Variants in ATP7B observed in about 807,000 individuals in gnomAD.
ATP7B encodes copper-transporting ATPase 2.
ATP7B carries 113 observed loss-of-function variants against 118.9 expected under a neutral mutation model. The ratio of observed to expected loss-of-function variants is 0.95; its 90% CI spans 0.82 to 1.11. ATP7B has a LOEUF of 1.11. Among genes scored for constraint, ATP7B ranks in the 50% most tolerant of loss-of-function variants. The probability of loss-of-function intolerance (pLI) is 0.00; values close to 1 mark genes in which losing one functional copy is unlikely to be tolerated. For synonymous variants in ATP7B, 777 were observed against 727.4 expected (o/e 1.07, Z -1.10); for missense variants, 1,867 against 1,871.4 (o/e 1.00, Z 0.04).
At position 52,011,354 on chromosome 13, in the gene ATP7B, C is replaced by T. The variant is rs778792588; in HGVS notation, c.-17G>A. On this transcript the variant is annotated 5_prime_UTR_variant, in exon 1 of 21. Transcript: ENST00000242839. Reference sequence around the variant, plus strand: ...CTCAGGCATCGTCCCGCACGGACACCGAATTCTTCTCTGATCTGGCTCAGA... The same window carrying T: ...CTCAGGCATCGTCCCGCACGGACACTGAATTCTTCTCTGATCTGGCTCAGA... 1.2e-6 allele frequency: 2 copies of T among 1,614,208 alleles called. No individual in the cohort carries two copies. Among genetic ancestry groups the T allele is most frequent in the Admixed American group, 3.3e-5 (2 of 60,034 alleles).
intron 14 of ATP7B, 100 bp from the exon 15 acceptor site, chr13:51,942,654 G>T: frequency 6.9e-7 from 1 of 1,451,044 alleles, no homozygotes; most frequent in Non-Finnish European, 9.5e-7. Context: ...AAGGTGGCAA[G>T]AGAGCAGCGG....
intron 19 of ATP7B, 121 bp downstream of exon 19, chr13:51,937,149 AAAAAAC>A: frequency 1.2e-6 from 1 of 821,852 alleles, no homozygotes; most frequent in Non-Finnish European, 2.0e-6. Flanking sequence ...GAAAAAAAAA[AAAAAAC>A]AGCCTTTCTA....
At chr13:51,936,775 C>T (rs1181197783) in intron 19 of ATP7B, among the ~76,000 whole-genome samples, 2 of 152,160 alleles carry the variant, frequency 1.3e-5, no homozygotes, top group Admixed American at 6.5e-5. Context: ...GACCCTCCTG[C>T]CTCAGCCTCC....
chr13:52,003,899 A>C (rs1189453675), intron 1 of ATP7B, among the ~76,000 whole-genome samples: 1 of 152,200 alleles, frequency 6.6e-6, no homozygotes, highest in Non-Finnish European at 1.5e-5. Context: ...AAAACTGGCC[A>C]AAGTTCTAGC....
In ATP7B at chr13:51,968,561, G is replaced by A; in HGVS notation, c.1590C>T (p.Ile530=). 6.2e-7 allele frequency: 1 copy of A among 1,614,140 alleles called. No homozygotes were observed. ...LVALMAGKAE[I]KYDPEVIQPL... is the part of the protein sequence containing the mutation. ...GCTGGATGACCTCTGGGTCATACTTGATCTCTGCCTTTCCTGCCATCAAGG... is the reference window on the plus strand; with the variant it reads ...GCTGGATGACCTCTGGGTCATACTTAATCTCTGCCTTTCCTGCCATCAAGG... Residue 530 remains isoleucine, a synonymous_variant, in exon 4 of 21, where the codon ATC becomes ATT. Transcript: ENST00000242839.
At chr13:51,995,428 C>A (rs543105349) in intron 1 of ATP7B, 1 of 776,596 alleles carries the variant, frequency 1.3e-6, no homozygotes, top group African/African-American at 1.9e-5. Flanking sequence ...AATGCCTAAC[C>A]CCAGGGCTCT....
chr13:52,011,308 G>T lies in ATP7B; in HGVS notation c.30C>A (p.Ala10=). ...TCACTTTCCGACTGGCCCCTTCTCT[G>T]GCTGTGATCTGTCTCTCCTGCTCAG... The part of the protein sequence containing the change: MPEQERQIT[A]REGASRKILS... Residue 10 remains alanine (A), a synonymous_variant, in exon 1 of 21, where the codon GCC becomes GCA. Transcript: ENST00000242839. The T allele has an allele frequency of 6.2e-7, 1 of 1,614,238 alleles. No homozygotes were observed. The highest frequency in any genetic ancestry group is 8.5e-7 in the Non-Finnish European group (1 of 1,180,030).
chr13:51,940,448 G>A (rs1957265225), intron 16 of ATP7B, among the ~76,000 whole-genome samples: 2 of 151,260 alleles, frequency 1.3e-5, no homozygotes, highest in Non-Finnish European at 3.0e-5. Flanking sequence ...GAGGTCAGGA[G>A]TTCGAGACCA....
chr13:51,962,351 G>A lies in ATP7B; in HGVS notation c.1870-438C>T, dbSNP rs879754743. Among the ~76,000 whole-genome samples, 3 of 152,282 alleles carry A rather than the reference G, an allele frequency of 2.0e-5. No individual in the cohort carries two copies. In the South Asian group the frequency reaches 6.2e-4, roughly 32 times the overall value. On this transcript the variant is annotated intron_variant, in intron 5 of 20. Transcript: ENST00000242839. ...GCTTCTTGCCACTGCGGCAGAACTC[G>A]GCTCCTTCAGCATTTGGAAGCACAG...
intron 17 of ATP7B, among the ~76,000 whole-genome samples, chr13:51,938,644 C>G (rs1957119923): frequency 6.6e-6 from 1 of 152,212 alleles, no homozygotes; most frequent in South Asian, 2.1e-4. Context: ...AACTCAGCAT[C>G]AGGGGCTGCT....
intron 15 of ATP7B, among the ~76,000 whole-genome samples, chr13:51,941,846 A>AAC (rs3837574): frequency 0.55 from 83,894 of 151,752 alleles, 23,359 homozygotes; most frequent in Middle Eastern, 0.63. Context: ...TTTCACTACC[A>AAC]ACACTTAGGA....
chr13:51,972,998 C>T (rs1223880879), intron 2 of ATP7B, among the ~76,000 whole-genome samples: 6 of 151,974 alleles, frequency 3.9e-5, no homozygotes, highest in Non-Finnish European at 7.4e-5. Flanking sequence ...AGGGCAAGAC[C>T]GTGTCCCTAA....
At chr13:51,935,367 G>C (rs1182547642) in intron 20 of ATP7B, among the ~76,000 whole-genome samples, 1 of 152,214 alleles carries the variant, frequency 6.6e-6, no homozygotes, top group Non-Finnish European at 1.5e-5. Flanking sequence ...AGCCCTTGAG[G>C]AGCAGAGTAA....
intron 1 of ATP7B, among the ~76,000 whole-genome samples, chr13:51,997,825 G>C (rs1953286321): frequency 6.6e-6 from 1 of 152,198 alleles, no homozygotes; most frequent in South Asian, 2.1e-4. Flanking sequence ...GGATGACAAT[G>C]CCATTTCCAG....
chr13:51,984,780 T>G (rs760945873), intron 1 of ATP7B, among the ~76,000 whole-genome samples: 10 of 151,994 alleles, frequency 6.6e-5, no homozygotes, highest in Non-Finnish European at 1.2e-4. Flanking sequence ...TTAAAGAAAA[T>G]AATTTTCAAC....
rs759185475 is a variant in ATP7B at position 51,975,329 on chromosome 13, C to A, written c.52-161G>T. 1.9e-5 allele frequency: 19 copies of A among 982,916 alleles called. No individual in the cohort carries two copies. Among genetic ancestry groups the A allele is most frequent in the Non-Finnish European group, 3.1e-5 (19 of 618,662 alleles). 60.9% of individuals were successfully genotyped at this position (982,916 alleles called of 1,614,324 possible). A position where few individuals can be genotyped will look rare whatever the true frequency, so the allele number is the denominator to read the frequency against. ...TACACAGAAAGCAAGCTAAAGGCAG[C>A]ATCTACAAAATGAAAGAGCTCTGAC... On this transcript the variant is annotated intron_variant, in intron 1 of 20. Coordinates refer to ENST00000242839, the MANE Select transcript of ATP7B (RefSeq NM_000053.4).
At chr13:51,957,785 A>G in intron 8 of ATP7B, 178 bp from the exon 9 acceptor site, 1 of 651,318 alleles carries the variant, frequency 1.5e-6, no homozygotes, top group East Asian at 2.8e-5. Flanking sequence ...GCCACATGTC[A>G]CTTCCACAGT....
intron 20 of ATP7B, among the ~76,000 whole-genome samples, 169 bp downstream of exon 20, chr13:51,935,424 G>T (rs1044653430): frequency 6.6e-6 from 1 of 152,226 alleles, no homozygotes; most frequent in Non-Finnish European, 1.5e-5. Context: ...CCTGCTCATG[G>T]TGCTGATAAG....
At position 52,011,317 on chromosome 13, in the gene ATP7B, CTG is replaced by C. The variant is rs749363958; in HGVS notation, c.19_20del (p.Gln7AspfsTer14). ...GACTGGCCCCTTCTCTGGCTGTGAT[CTG>C]TCTCTCCTGCTCAGGCATCGTCCCG... The part of the protein sequence containing the change: MPEQER[Q>X]ITAREGASRK... On this transcript the variant is annotated frameshift_variant, in exon 1 of 21. Coordinates refer to ENST00000242839, the MANE Select transcript of ATP7B (RefSeq NM_000053.4). LOFTEE classifies it high-confidence loss of function. 1.1e-4 allele frequency: 181 copies of C among 1,614,242 alleles called. No homozygotes were observed. The Middle Eastern group carries it at 1.8e-3, about 16-fold the overall frequency.
Sources: allele counts gnomAD v4.1 joint callset (sites outside exome capture counted in the v4.1 genomes callset), GRCh38; gene constraint gnomAD v4.1.1; transcripts MANE v1.5; gene names NCBI Gene and HGNC (gene_info 2026-07-23, HGNC 2026-07-21).